GMEB1: variants seen among roughly 807,000 people sequenced by gnomAD.
GMEB1 encodes glucocorticoid modulatory element-binding protein 1.
In GMEB1, 6 loss-of-function variants were observed where a neutral mutation model predicts 52.4. The observed-to-expected ratio is 0.11, with a 90% CI of 0.06 to 0.23. The LOEUF (loss-of-function observed/expected upper bound fraction) is 0.23. Ranked by LOEUF, GMEB1 falls within the 10% of genes least tolerant of loss-of-function variation. The pLI, the probability that GMEB1 is intolerant of heterozygous loss-of-function variation, is 1.00. For missense variants in GMEB1, 486 were observed against 685.6 expected (o/e 0.71, Z 3.25); for synonymous variants, 255 against 244.9 (o/e 1.04, Z -0.38).
intron 6 of GMEB1, among the ~76,000 whole-genome samples, chr1:28,698,444 A>G (rs10915188): frequency 0.39 from 58,391 of 149,992 alleles, 12,557 homozygotes; most frequent in East Asian, 0.76. Flanking sequence ...GGGAGGCCAA[A>G]GCGGGCAGAT....
In GMEB1 at chr1:28,710,629, C is replaced by G. The variant is rs1671010526; in HGVS notation, c.978C>G (p.Leu326=). Residue 326 remains leucine, a synonymous_variant, in exon 9 of 10, where the codon CTC becomes CTG. Transcript: ENST00000373816. ...TAGAGCAGGGAGAAGAACAGTTTCT[C>G]TATACTCTGACAGGTATGTATAAGT... ...NQVEQGEEQF[L]YTLTDLERQL... The G allele has an allele frequency of 6.3e-7, 1 of 1,597,734 alleles. No individual in the cohort carries two copies. The highest frequency in any genetic ancestry group is 8.5e-7 in the Non-Finnish European group (1 of 1,172,072).
chr1:28,673,417 T>C (rs1487777644), intron 1 of GMEB1, among the ~76,000 whole-genome samples: 1 of 151,940 alleles, frequency 6.6e-6, no homozygotes, highest in Non-Finnish European at 1.5e-5. Flanking sequence ...CAACCACGCC[T>C]GGCTAATTTT....
rs570830523 is a variant in GMEB1, at chr1:28,701,519, C to T, written c.599-919C>T. Reference sequence around the variant, plus strand: ...TCCTGATCTCGTGATCCGCCCACCTCGGCCTCCCAAAGTGCTGGGATTACA... The same window carrying T: ...TCCTGATCTCGTGATCCGCCCACCTTGGCCTCCCAAAGTGCTGGGATTACA... On this transcript the variant is annotated intron_variant, in intron 6 of 9. Coordinates refer to ENST00000373816, the MANE Select transcript of GMEB1 (RefSeq NM_001319674.2). Among the ~76,000 whole-genome samples the T allele has an allele frequency of 1.3e-4, 20 of 152,182 alleles. No homozygotes were observed. The South Asian group carries it at 1.9e-3, about 14-fold the overall frequency.
At chr1:28,711,160 C>T (rs1423059951) in intron 9 of GMEB1, among the ~76,000 whole-genome samples, 1 of 151,878 alleles carries the variant, frequency 6.6e-6, no homozygotes, top group Non-Finnish European at 1.5e-5. Flanking sequence ...GTGGCGCGTG[C>T]CTGTAGCCCC....
intron 6 of GMEB1, 29 bp downstream of exon 6, chr1:28,697,113 C>T: frequency 2.0e-6 from 3 of 1,494,136 alleles, no homozygotes; most frequent in Non-Finnish European, 2.7e-6. Flanking sequence ...CCTGAAAACC[C>T]ATTGTGTTTT....
chr1:28,702,647 C>T (rs1217556997), intron 7 of GMEB1, 78 bp downstream of exon 7: 9 of 1,298,008 alleles, frequency 6.9e-6, no homozygotes, highest in South Asian at 5.2e-5. Context: ...CACGGAAGAC[C>T]TCTTAATTAC....
chr1:28,709,502 G>T (rs572930783), intron 8 of GMEB1, among the ~76,000 whole-genome samples: 6 of 151,888 alleles, frequency 4.0e-5, no homozygotes, highest in Non-Finnish European at 5.9e-5. Flanking sequence ...TGAGATGAAC[G>T]TTAACTCTAT....
chr1:28,704,364 A>G, intron 8 of GMEB1, 35 bp downstream of exon 8: 1 of 1,585,222 alleles, frequency 6.3e-7, no homozygotes. Flanking sequence ...GCAGTGATTT[A>G]TTGAATACTC....
intron 1 of GMEB1, among the ~76,000 whole-genome samples, chr1:28,671,095 C>T (rs1017118175): frequency 6.6e-6 from 1 of 152,114 alleles, no homozygotes; most frequent in Non-Finnish European, 1.5e-5. Context: ...AGTGTTTCTG[C>T]ATAATTTACT....
At chr1:28,695,650 T>A (rs1215929760) in intron 5 of GMEB1, among the ~76,000 whole-genome samples, 4 of 151,432 alleles carry the variant, frequency 2.6e-5, no homozygotes, top group Non-Finnish European at 4.4e-5. Context: ...TTTAAAAAAA[T>A]TTTTTCGGCC....
chr1:28,687,399 G>A (rs1669730003), intron 2 of GMEB1, among the ~76,000 whole-genome samples: 1 of 36,894 alleles, frequency 2.7e-5, no homozygotes, highest in Non-Finnish European at 5.8e-5. Context: ...AAAAAAGACA[G>A]TGGAGAATAA....
At chr1:28,712,639 T>C (rs1671110036) in intron 9 of GMEB1, among the ~76,000 whole-genome samples, 1 of 151,482 alleles carries the variant, frequency 6.6e-6, no homozygotes. Context: ...GCCAATATGG[T>C]GAAACCTCAT....
chr1:28,695,262 C>G (rs1670147412), intron 5 of GMEB1, among the ~76,000 whole-genome samples: 1 of 151,546 alleles, frequency 6.6e-6, no homozygotes, highest in Admixed American at 6.6e-5. Flanking sequence ...CACCACACCC[C>G]ACTTTTGTTG....
intron 1 of GMEB1, among the ~76,000 whole-genome samples, chr1:28,683,174 C>G (rs1044090612): frequency 7.9e-5 from 12 of 151,962 alleles, no homozygotes; most frequent in African/African-American, 2.2e-4. Context: ...CTAGGGTGCT[C>G]TAGGCATTAT....
At position 28,710,649 on chromosome 1, in the gene GMEB1, A is replaced by G. The variant is rs778701267; in HGVS notation, c.991+7A>G. ...TTTCTCTATACTCTGACAGGTATGT[A>G]TAAGTTATCGCTCTTCTTCGGTGAT... On this transcript the variant is annotated splice_region_variant and intron_variant, in intron 9 of 9. Transcript: ENST00000373816. The G allele has an allele frequency of 2.6e-6, 4 of 1,551,754 alleles. No homozygotes were observed. Among genetic ancestry groups the G allele is most frequent in the African/African-American group, 1.4e-5 (1 of 72,518 alleles).
intron 7 of GMEB1, 35 bp from the exon 8 acceptor site, chr1:28,704,157 C>G (rs1206526508): frequency 7.2e-5 from 113 of 1,567,786 alleles, no homozygotes; most frequent in Non-Finnish European, 9.7e-5. Context: ...GGTAGTGTCT[C>G]TTTTTTACCC....
In GMEB1 at chr1:28,687,217, G is replaced by C. The variant is rs537628033; in HGVS notation, c.129-2887G>C. Among the ~76,000 whole-genome samples the C allele has an allele frequency of 8.6e-5, 13 of 151,392 alleles. 1 individual carries two copies. In the South Asian group the frequency reaches 2.7e-3, roughly 32 times the overall value. ...CCAGATGTGGTGGCATATGCCTGTA[G>C]TCCCAGCTACTCAAGAGGCTGAGGT... On this transcript the variant is annotated intron_variant, in intron 2 of 9. Coordinates refer to ENST00000373816, the MANE Select transcript of GMEB1 (RefSeq NM_001319674.2).
chr1:28,715,210 C>T lies in GMEB1; in HGVS notation c.*437C>T, dbSNP rs1380954701. 1.2e-5 allele frequency: 2 copies of T among 168,902 alleles called. No homozygotes were observed. The highest frequency in any genetic ancestry group is 2.6e-5 in the Non-Finnish European group (2 of 76,756). 10.5% of individuals were successfully genotyped at this position (168,902 alleles called of 1,614,324 possible). A position where few individuals can be genotyped will look rare whatever the true frequency, so the allele number is the denominator to read the frequency against. On this transcript the variant is annotated 3_prime_UTR_variant, in exon 10 of 10. Transcript: ENST00000373816. Reference sequence around the variant, plus strand: ...GCTGAAGGGCACTTTATTTTGTATCCTGAAAAGGGCCTACAGAGGCCAGTA... The same window carrying T: ...GCTGAAGGGCACTTTATTTTGTATCTTGAAAAGGGCCTACAGAGGCCAGTA...
At chr1:28,669,207 C>T (rs376127202) in intron 1 of GMEB1, among the ~76,000 whole-genome samples, 9 of 151,722 alleles carry the variant, frequency 5.9e-5, no homozygotes, top group African/African-American at 9.7e-5. Context: ...GTACTCGGCT[C>T]AGGGGCCAGG....
Sources: gnomAD v4.1 joint callset for allele counts (sites outside exome capture counted in the v4.1 genomes callset) on GRCh38, gnomAD v4.1.1 for gene constraint, MANE v1.5 for transcripts, NCBI Gene and HGNC (gene_info 2026-07-23, HGNC 2026-07-21) for gene names.